RAPGEF2: variants seen among roughly 807,000 people sequenced by gnomAD.
RAPGEF2 encodes PDZ domain containing guanine nucleotide exchange factor (GEF) 1.
RAPGEF2 carries 54 observed loss-of-function variants against 186.7 expected under a neutral mutation model. The observed-to-expected ratio is 0.29, with a 90% confidence interval of 0.23 to 0.36. RAPGEF2 has a LOEUF of 0.36. RAPGEF2 is among the 10% of genes least tolerant of loss of function. The pLI is 1.00. For missense variants in RAPGEF2, 1,532 were observed against 2,045.0 expected (o/e 0.75, Z 4.84); for synonymous variants, 712 against 705.9 (o/e 1.01, Z -0.14).
At chr4:159,123,905 G>C (rs1739998117) in intron 1 of RAPGEF2, among the ~76,000 whole-genome samples, 3 of 152,032 alleles carry the variant, frequency 2.0e-5, no homozygotes, top group Non-Finnish European at 4.4e-5. Context: ...GCCCAGGCTG[G>C]AGTGCAGTGG....
At chr4:159,186,040 A>T (rs1235182084) in intron 1 of RAPGEF2, among the ~76,000 whole-genome samples, 6 of 151,970 alleles carry the variant, frequency 3.9e-5, no homozygotes, top group African/African-American at 1.4e-4. Flanking sequence ...TTGAATTTTT[A>T]CTTCTTCTGA....
chr4:159,171,557 C>T (rs1745906310), intron 1 of RAPGEF2, among the ~76,000 whole-genome samples: 1 of 152,054 alleles, frequency 6.6e-6, no homozygotes, highest in Non-Finnish European at 1.5e-5. Context: ...GAAAGGTGCA[C>T]TGTGATTACC....
chr4:159,132,963 G>T (rs1741274419), intron 1 of RAPGEF2, among the ~76,000 whole-genome samples: 1 of 149,230 alleles, frequency 6.7e-6, no homozygotes, highest in Non-Finnish European at 1.5e-5. Context: ...TCCCACACCT[G>T]CCTAACTCCC....
chr4:159,236,863 T>C (rs1465661747), intron 4 of RAPGEF2, among the ~76,000 whole-genome samples: 1 of 152,204 alleles, frequency 6.6e-6, no homozygotes, highest in Admixed American at 6.5e-5. Context: ...AGAAGTAACA[T>C]GAAGATAGAT....
At chr4:159,228,679 C>T (rs1043944230) in intron 4 of RAPGEF2, among the ~76,000 whole-genome samples, 2 of 152,090 alleles carry the variant, frequency 1.3e-5, no homozygotes, top group Middle Eastern at 3.4e-3. Flanking sequence ...AAATAGAAGC[C>T]GGTTAAAGTC....
intron 4 of RAPGEF2, among the ~76,000 whole-genome samples, chr4:159,227,897 G>A (rs185634524): frequency 5.9e-5 from 9 of 152,188 alleles, no homozygotes; most frequent in South Asian, 2.1e-4. Flanking sequence ...TCTCTTTGGC[G>A]GAGAGCAACT....
chr4:159,224,658 G>T (rs150194804), intron 4 of RAPGEF2, among the ~76,000 whole-genome samples: 13 of 152,196 alleles, frequency 8.5e-5, no homozygotes, highest in Non-Finnish European at 1.8e-4. Flanking sequence ...AATCAGATTC[G>T]AACAGAGAGG....
intron 1 of RAPGEF2, among the ~76,000 whole-genome samples, chr4:159,183,987 T>C (rs1055881401): frequency 6.6e-6 from 1 of 152,158 alleles, no homozygotes; most frequent in Non-Finnish European, 1.5e-5. Context: ...TGAGAACGTG[T>C]GGTGTTTGGT....
At chr4:159,358,030 G>A (rs987764324) in intron 29 of RAPGEF2, 84 bp from the exon 30 acceptor site, 160 of 1,320,072 alleles carry the variant, frequency 1.2e-4, no homozygotes, top group Non-Finnish European at 1.6e-4. Flanking sequence ...GTTTTATTTA[G>A]CACATCAGTG....
intron 18 of RAPGEF2, 112 bp downstream of exon 18, chr4:159,338,580 G>A (rs1235090120): frequency 3.6e-6 from 4 of 1,106,220 alleles, no homozygotes; most frequent in Admixed American, 5.6e-5. Flanking sequence ...ATCAGATGCT[G>A]AGTAAGGATG....
chr4:159,219,693 A>G (rs1007073162), intron 4 of RAPGEF2, among the ~76,000 whole-genome samples: 2 of 152,204 alleles, frequency 1.3e-5, no homozygotes, highest in Non-Finnish European at 2.9e-5. Flanking sequence ...CAAAAGGATT[A>G]TTAAAAGTTA....
chr4:159,291,130 AGTTGTAATACCC>A (rs749509707), intron 7 of RAPGEF2, among the ~76,000 whole-genome samples: 8 of 152,198 alleles, frequency 5.3e-5, no homozygotes, highest in Non-Finnish European at 1.0e-4. Flanking sequence ...TGTCTAGCTC[AGTTGTAATACCC>A]GTCACTAGAA....
At chr4:159,207,638 G>A (rs1338169604) in intron 3 of RAPGEF2, among the ~76,000 whole-genome samples, 1 of 152,110 alleles carries the variant, frequency 6.6e-6, no homozygotes, top group African/African-American at 2.4e-5. Flanking sequence ...ACTTGCCCCA[G>A]GCCACATAGT....
chr4:159,166,228 TG>T (rs1298033053), intron 1 of RAPGEF2, among the ~76,000 whole-genome samples: 4 of 151,792 alleles, frequency 2.6e-5, no homozygotes, highest in African/African-American at 9.7e-5. Context: ...GCAGGAGAAT[TG>T]CTTGAACCCA....
intron 1 of RAPGEF2, among the ~76,000 whole-genome samples, chr4:159,140,658 T>C (rs1477874970): frequency 6.6e-6 from 1 of 152,112 alleles, no homozygotes; most frequent in East Asian, 1.9e-4. Flanking sequence ...GTGACAACTC[T>C]CTAGTAGACA....
intron 8 of RAPGEF2, among the ~76,000 whole-genome samples, chr4:159,313,759 C>T (rs1764225410): frequency 2.6e-5 from 4 of 152,072 alleles, no homozygotes; most frequent in Admixed American, 2.6e-4. Context: ...TTTTACTATG[C>T]TTAAGTGATA....
chr4:159,277,892 GGTAGTTTCTTTTGCTGT>G (rs1168203952), intron 7 of RAPGEF2, among the ~76,000 whole-genome samples: 2 of 152,060 alleles, frequency 1.3e-5, no homozygotes, highest in Non-Finnish European at 2.9e-5. Flanking sequence ...TCACTCTGAT[GGTAGTTTCTTTTGCTGT>G]GCAGAAGCTC....
intron 2 of RAPGEF2, among the ~76,000 whole-genome samples, chr4:159,190,600 A>G (rs574777882): frequency 6.6e-6 from 1 of 152,224 alleles, no homozygotes; most frequent in Non-Finnish European, 1.5e-5. Context: ...AAAGAAGTTT[A>G]ATTGACTCAT....
intron 11 of RAPGEF2, among the ~76,000 whole-genome samples, chr4:159,325,777 C>T (rs1579948694): frequency 1.3e-5 from 2 of 152,028 alleles, no homozygotes; most frequent in African/African-American, 4.8e-5. Flanking sequence ...ATGTCAAATG[C>T]ACCAGGTAAC....
Sources: gnomAD v4.1 joint callset for allele counts (sites outside exome capture counted in the v4.1 genomes callset) on GRCh38, gnomAD v4.1.1 for gene constraint, MANE v1.5 for transcripts, NCBI Gene and HGNC (gene_info 2026-07-23, HGNC 2026-07-21) for gene names.